RTN1: variants seen among roughly 807,000 people sequenced by gnomAD.
RTN1 encodes reticulon-1.
A neutral mutation model predicts 65.5 loss-of-function variants in RTN1; 25 were observed. That is an observed-to-expected ratio of 0.38 (90% confidence interval 0.28 to 0.53). The LOEUF (loss-of-function observed/expected upper bound fraction) is 0.53. Among genes scored for constraint, RTN1 ranks in the 20% least tolerant of loss-of-function variants. RTN1 has a pLI of 0.79. For missense variants in RTN1, 983 were observed against 1,025.4 expected, an observed-to-expected ratio of 0.96 and a Z score of 0.57; for synonymous variants, 471 against 447.6, an observed-to-expected ratio of 1.05 and a Z score of -0.66.
At chr14:59,814,150 T>C (rs1281762606) in intron 1 of RTN1, among the ~76,000 whole-genome samples, 1 of 152,150 alleles carries the variant, frequency 6.6e-6, no homozygotes, top group Non-Finnish European at 1.5e-5. Flanking sequence ...TCAGATATCA[T>C]GTCCACATTC....
chr14:59,765,234 G>A (rs990765875), intron 1 of RTN1, among the ~76,000 whole-genome samples: 1 of 152,182 alleles, frequency 6.6e-6, no homozygotes, highest in Admixed American at 6.5e-5. Flanking sequence ...ATAGCCTGGA[G>A]CTCTAGGCTT....
chr14:59,706,956 T>C (rs1211596894), intron 3 of RTN1, among the ~76,000 whole-genome samples: 1 of 152,216 alleles, frequency 6.6e-6, no homozygotes, highest in Non-Finnish European at 1.5e-5. Context: ...TGGTAAAGCA[T>C]ACAGTTAAAA....
At chr14:59,754,172 G>A (rs748170693) in intron 1 of RTN1, among the ~76,000 whole-genome samples, 1 of 152,168 alleles carries the variant, frequency 6.6e-6, no homozygotes, top group Non-Finnish European at 1.5e-5. Context: ...ATGAAAAGAA[G>A]CTGAAACTAT....
intron 1 of RTN1, among the ~76,000 whole-genome samples, chr14:59,815,799 T>G (rs1329868689): frequency 6.6e-6 from 1 of 152,158 alleles, no homozygotes; most frequent in Non-Finnish European, 1.5e-5. Context: ...CCTCCCTTCC[T>G]AGAGTCCATT....
intron 3 of RTN1, among the ~76,000 whole-genome samples, chr14:59,619,950 G>A (rs533154816): frequency 1.8e-4 from 27 of 152,240 alleles, no homozygotes; most frequent in Admixed American, 3.9e-4. Context: ...GGGGCTGGGT[G>A]GGGGGAAGTT....
chr14:59,839,848 A>G (rs1279752506), intron 1 of RTN1, among the ~76,000 whole-genome samples: 1 of 152,174 alleles, frequency 6.6e-6, no homozygotes, highest in Non-Finnish European at 1.5e-5. Context: ...TCATTCATAC[A>G]GTATGTTTTT....
intron 3 of RTN1, among the ~76,000 whole-genome samples, chr14:59,662,792 C>G (rs1004779033): frequency 6.6e-6 from 1 of 152,124 alleles, no homozygotes; most frequent in Admixed American, 6.6e-5. Context: ...GAAAAACACT[C>G]CATGCTCATG....
At chr14:59,675,784 A>C (rs925561859) in intron 3 of RTN1, among the ~76,000 whole-genome samples, 1 of 152,026 alleles carries the variant, frequency 6.6e-6, no homozygotes, top group African/African-American at 2.4e-5. Flanking sequence ...TTTATTATCC[A>C]TTTTCACTTG....
chr14:59,839,805 C>T (rs1198577256), intron 1 of RTN1, among the ~76,000 whole-genome samples: 1 of 151,840 alleles, frequency 6.6e-6, no homozygotes, highest in Admixed American at 6.6e-5. Context: ...ATATCTAATT[C>T]ATTTTAGACA....
At chr14:59,599,190 C>T (rs1881499619) in intron 8 of RTN1, among the ~76,000 whole-genome samples, 1 of 152,158 alleles carries the variant, frequency 6.6e-6, no homozygotes, top group African/African-American at 2.4e-5. Flanking sequence ...TATTGTTACC[C>T]TCTCTCATCT....
At chr14:59,832,119 A>C (rs1887134852) in intron 1 of RTN1, among the ~76,000 whole-genome samples, 1 of 152,144 alleles carries the variant, frequency 6.6e-6, no homozygotes, top group Non-Finnish European at 1.5e-5. Flanking sequence ...GGGTTATACC[A>C]CCAAAATTAA....
chr14:59,672,573 T>C (rs1034836950), intron 3 of RTN1, among the ~76,000 whole-genome samples: 15 of 151,830 alleles, frequency 9.9e-5, no homozygotes, highest in Non-Finnish European at 2.1e-4. Flanking sequence ...ATTTATTGCA[T>C]TCATTATTTG....
chr14:59,805,318 T>G (rs759911132), intron 1 of RTN1, among the ~76,000 whole-genome samples: 4 of 152,222 alleles, frequency 2.6e-5, no homozygotes, highest in Non-Finnish European at 5.9e-5. Context: ...ATAGGGACCT[T>G]TCCTTCTTCA....
intron 1 of RTN1, among the ~76,000 whole-genome samples, chr14:59,865,125 A>G (rs1294328179): frequency 1.3e-5 from 2 of 152,070 alleles, no homozygotes; most frequent in Non-Finnish European, 2.9e-5. Flanking sequence ...ACTAGAGGGA[A>G]TTTCTGAACA....
chr14:59,606,935 T>C (rs549029074), intron 4 of RTN1, among the ~76,000 whole-genome samples: 1 of 152,338 alleles, frequency 6.6e-6, no homozygotes, highest in South Asian at 2.1e-4. Flanking sequence ...GAGCATGTCA[T>C]GTCACTTCTC....
intron 1 of RTN1, among the ~76,000 whole-genome samples, chr14:59,821,739 A>C (rs533806751): frequency 6.6e-6 from 1 of 152,220 alleles, no homozygotes; most frequent in South Asian, 2.1e-4. Flanking sequence ...GTTGAATTTT[A>C]TTGAAAGCCT....
At chr14:59,753,795 C>T (rs1885579314) in intron 1 of RTN1, among the ~76,000 whole-genome samples, 1 of 152,126 alleles carries the variant, frequency 6.6e-6, no homozygotes, top group Admixed American at 6.6e-5. Flanking sequence ...ACTCACATTG[C>T]CATATTGTTA....
At chr14:59,719,542 G>A (rs1028696820) in intron 3 of RTN1, among the ~76,000 whole-genome samples, 2 of 152,228 alleles carry the variant, frequency 1.3e-5, no homozygotes, top group African/African-American at 2.4e-5. Flanking sequence ...TACATTGCTA[G>A]TGTCAGGCAC....
At chr14:59,852,776 T>C (rs1388348816) in intron 1 of RTN1, among the ~76,000 whole-genome samples, 3 of 152,210 alleles carry the variant, frequency 2.0e-5, no homozygotes, top group African/African-American at 7.2e-5. Context: ...GAGCCACAAA[T>C]TCAGTTAGAG....
Sources: allele counts gnomAD v4.1 joint callset (sites outside exome capture counted in the v4.1 genomes callset), GRCh38; gene constraint gnomAD v4.1.1; transcripts MANE v1.5; gene names NCBI Gene and HGNC (gene_info 2026-07-23, HGNC 2026-07-21).